PRKCE: variants seen among roughly 807,000 people sequenced by gnomAD.
PRKCE encodes protein kinase C epsilon, also known as protein kinase C epsilon type.
A neutral mutation model predicts 85.4 loss-of-function variants in PRKCE; 16 were observed. That is an observed-to-expected ratio of 0.19 (90% CI 0.13 to 0.28). The LOEUF is 0.28. Ranked by LOEUF, PRKCE falls within the 10% of genes least tolerant of loss-of-function variation. The probability of loss-of-function intolerance (pLI) is 1.00; values close to 1 mark genes in which losing one functional copy is unlikely to be tolerated. For synonymous variants in PRKCE, 388 were observed against 371.5 expected (o/e 1.04, Z -0.51); for missense variants, 573 against 975.2 (o/e 0.59, Z 5.49).
intron 1 of PRKCE, among the ~76,000 whole-genome samples, chr2:45,794,074 C>A (rs917868791): frequency 6.6e-5 from 10 of 152,318 alleles, no homozygotes; most frequent in African/African-American, 2.4e-4. Flanking sequence ...CCTGGGACCC[C>A]AGCTAGAGAA....
chr2:46,171,869 A>T (rs1344176774), intron 14 of PRKCE, among the ~76,000 whole-genome samples: 6 of 152,202 alleles, frequency 3.9e-5, no homozygotes, highest in African/African-American at 1.4e-4. Flanking sequence ...GACACCTCAG[A>T]CTGAGTCATC....
intron 11 of PRKCE, among the ~76,000 whole-genome samples, chr2:46,096,013 C>G (rs1382289329): frequency 6.6e-6 from 1 of 152,162 alleles, no homozygotes; most frequent in Admixed American, 6.5e-5. Context: ...GAGATGTTGC[C>G]ACATCCTACC....
At chr2:45,663,540 T>G (rs1675772637) in intron 1 of PRKCE, among the ~76,000 whole-genome samples, 1 of 152,096 alleles carries the variant, frequency 6.6e-6, no homozygotes, top group Non-Finnish European at 1.5e-5. Flanking sequence ...TCCCAGCACT[T>G]TGGGAGGCCG....
At chr2:45,749,851 G>A (rs935866166) in intron 1 of PRKCE, among the ~76,000 whole-genome samples, 6 of 152,182 alleles carry the variant, frequency 3.9e-5, no homozygotes, top group African/African-American at 1.2e-4. Context: ...CAGGACATAG[G>A]TTGATAAACT....
At chr2:46,174,206 C>A (rs773490983) in intron 14 of PRKCE, among the ~76,000 whole-genome samples, 1 of 152,232 alleles carries the variant, frequency 6.6e-6, no homozygotes, top group Non-Finnish European at 1.5e-5. Context: ...CTTGTCCCTA[C>A]GACTACAGGG....
chr2:45,856,485 C>T (rs1692687349), intron 2 of PRKCE, among the ~76,000 whole-genome samples: 1 of 152,256 alleles, frequency 6.6e-6, no homozygotes, highest in African/African-American at 2.4e-5. Flanking sequence ...CCCACCTCGG[C>T]CTCCCAGAGT....
intron 10 of PRKCE, among the ~76,000 whole-genome samples, chr2:46,038,355 A>G (rs779577962): frequency 4.7e-5 from 7 of 149,986 alleles, no homozygotes; most frequent in African/African-American, 7.4e-5. Context: ...CTAAACTAGG[A>G]AAAAAAAAAG....
intron 2 of PRKCE, among the ~76,000 whole-genome samples, chr2:45,970,721 T>C (rs1163010291): frequency 6.6e-6 from 1 of 152,094 alleles, no homozygotes; most frequent in African/African-American, 2.4e-5. Flanking sequence ...TTAAATTTCT[T>C]GACTCTGTTA....
intron 2 of PRKCE, among the ~76,000 whole-genome samples, chr2:45,848,607 A>C (rs1204794958): frequency 6.6e-6 from 1 of 152,204 alleles, no homozygotes; most frequent in Non-Finnish European, 1.5e-5. Context: ...CACTGCATCC[A>C]GGCTACCAGT....
chr2:46,059,412 A>G (rs567836043), intron 10 of PRKCE, among the ~76,000 whole-genome samples: 15 of 152,348 alleles, frequency 9.8e-5, no homozygotes, highest in Admixed American at 5.9e-4. Flanking sequence ...GCCTCAGCCC[A>G]TAAGTCATTA....
chr2:46,116,850 T>G (rs886427865), intron 11 of PRKCE, among the ~76,000 whole-genome samples: 3 of 152,092 alleles, frequency 2.0e-5, no homozygotes, highest in African/African-American at 4.8e-5. Flanking sequence ...GAGAGTGTAC[T>G]GCAGCGGTTA....
chr2:46,174,820 G>A (rs1331126912), intron 14 of PRKCE, among the ~76,000 whole-genome samples: 1 of 152,084 alleles, frequency 6.6e-6, no homozygotes, highest in Non-Finnish European at 1.5e-5. Flanking sequence ...CTCCTGAGTA[G>A]CTGGGACTAC....
chr2:45,948,649 T>C (rs1395520896), intron 2 of PRKCE, among the ~76,000 whole-genome samples: 1 of 151,978 alleles, frequency 6.6e-6, no homozygotes, highest in Non-Finnish European at 1.5e-5. Flanking sequence ...TTAAAAAAAT[T>C]TTTTTTTCAC....
chr2:45,783,908 C>G (rs1333047394), intron 1 of PRKCE, among the ~76,000 whole-genome samples: 1 of 152,234 alleles, frequency 6.6e-6, no homozygotes, highest in Non-Finnish European at 1.5e-5. Context: ...TCTGAAGAAA[C>G]TGCTGCAGCC....
At chr2:45,667,692 C>T (rs1230467240) in intron 1 of PRKCE, among the ~76,000 whole-genome samples, 1 of 151,828 alleles carries the variant, frequency 6.6e-6, no homozygotes, top group Non-Finnish European at 1.5e-5. Context: ...TTTTTTAGAG[C>T]AGTTTTAGGT....
intron 11 of PRKCE, among the ~76,000 whole-genome samples, chr2:46,111,931 T>G (rs779834705): frequency 6.6e-6 from 1 of 152,204 alleles, no homozygotes; most frequent in Non-Finnish European, 1.5e-5. Context: ...CCACCAGCAA[T>G]GTATGAAGGC....
chr2:45,945,193 A>T (rs1284850086), intron 2 of PRKCE, among the ~76,000 whole-genome samples: 3 of 152,182 alleles, frequency 2.0e-5, no homozygotes, highest in African/African-American at 7.2e-5. Context: ...TAAAGGAATT[A>T]TTGAGGCCGG....
chr2:45,806,099 G>A (rs1558692191), intron 1 of PRKCE, among the ~76,000 whole-genome samples: 3 of 152,170 alleles, frequency 2.0e-5, no homozygotes, highest in Non-Finnish European at 4.4e-5. Flanking sequence ...AGTTGCCTGG[G>A]ATATTGGAGG....
In PRKCE at chr2:45,803,840, A is replaced by G. The variant is rs1055419570; in HGVS notation, c.349-39160A>G. ...ATTTCATTAATTTACATAATGTATT[A>G]TGCTTTGCAGGGTGAGTGGGGGCTC... On this transcript the variant is annotated intron_variant, in intron 1 of 14. Coordinates refer to ENST00000306156, the MANE Select transcript of PRKCE (RefSeq NM_005400.3). 4.6e-5 allele frequency among the ~76,000 whole-genome samples: 7 copies of G among 152,324 alleles called. No individual in the cohort carries two copies. The South Asian group carries it at 1.2e-3, about 27-fold the overall frequency.
Sources: allele counts gnomAD v4.1 joint callset (sites outside exome capture counted in the v4.1 genomes callset), GRCh38; gene constraint gnomAD v4.1.1; transcripts MANE v1.5; gene names NCBI Gene and HGNC (gene_info 2026-07-23, HGNC 2026-07-21).